Variants in CADPS2 observed in about 807,000 individuals in gnomAD.
CADPS2 encodes calcium-dependent secretion activator 2.
CADPS2 carries 93 observed loss-of-function variants against 172.5 expected under a neutral mutation model. That is an observed-to-expected ratio of 0.54 (90% CI 0.46 to 0.64). The LOEUF is 0.64. CADPS2 is among the 30% of genes least tolerant of loss of function. CADPS2 has a pLI of 0.00. For synonymous variants in CADPS2, 546 were observed against 555.2 expected (o/e 0.98, Z 0.23); for missense variants, 1,420 against 1,565.9 (o/e 0.91, Z 1.57).
intron 1 of CADPS2, among the ~76,000 whole-genome samples, chr7:122,768,658 TTTC>T (rs1238968681): frequency 2.6e-5 from 4 of 152,202 alleles, no homozygotes; most frequent in African/African-American, 9.6e-5. Context: ...ATTTTTAAAA[TTTC>T]TTCTTCAATG....
intron 20 of CADPS2, among the ~76,000 whole-genome samples, chr7:122,402,924 T>C (rs77462788): frequency 0.022 from 3,411 of 152,314 alleles, 69 homozygotes; most frequent in Non-Finnish European, 0.035. Context: ...TAACTCTAAT[T>C]GGGTCAACAT....
chr7:122,456,958 T>A (rs567545269), intron 14 of CADPS2, among the ~76,000 whole-genome samples: 15 of 152,352 alleles, frequency 9.8e-5, no homozygotes, highest in African/African-American at 3.6e-4. Flanking sequence ...TTATATACAT[T>A]GAACATCCCG....
At position 122,707,864 on chromosome 7, in the gene CADPS2, A is replaced by T. The variant is rs1052792535; in HGVS notation, c.453+29091T>A. ...AATTACAGCTAATATATTACTGGTT[A>T]AAAAAACTTCATAGTTTCATGTAAC... On this transcript the variant is annotated intron_variant, in intron 2 of 29. Transcript: ENST00000449022. Among the ~76,000 whole-genome samples the T allele has an allele frequency of 1.3e-5, 2 of 151,766 alleles. 1 individual carries two copies. The highest frequency in any genetic ancestry group is 4.1e-4 in the South Asian group (2 of 4,824).
chr7:122,737,569 A>T (rs1326503873), intron 1 of CADPS2, among the ~76,000 whole-genome samples: 1 of 152,162 alleles, frequency 6.6e-6, no homozygotes, highest in Admixed American at 6.5e-5. Context: ...TAATCCTGAT[A>T]TGGAAGTGGA....
chr7:122,820,328 T>G (rs1802769349), intron 1 of CADPS2, among the ~76,000 whole-genome samples: 1 of 151,982 alleles, frequency 6.6e-6, no homozygotes, highest in African/African-American at 2.4e-5. Context: ...CAAGCCCAAA[T>G]TTCTTCCTCA....
chr7:122,342,131 G>T (rs1051066028), intron 28 of CADPS2, among the ~76,000 whole-genome samples: 89 of 151,986 alleles, frequency 5.9e-4, no homozygotes, highest in Non-Finnish European at 1.2e-3. Flanking sequence ...TGACCTTTAA[G>T]GTAATGCAGA....
intron 7 of CADPS2, among the ~76,000 whole-genome samples, chr7:122,565,555 T>C (rs2066350365): frequency 6.6e-6 from 1 of 152,172 alleles, no homozygotes; most frequent in South Asian, 2.1e-4. Context: ...TTTGTCATGC[T>C]GAATAACCAA....
At chr7:122,669,422 G>T (rs1188342168) in intron 2 of CADPS2, among the ~76,000 whole-genome samples, 1 of 151,214 alleles carries the variant, frequency 6.6e-6, no homozygotes, top group Non-Finnish European at 1.5e-5. Flanking sequence ...TAAACAGGAG[G>T]ATTATACAGG....
At position 122,705,524 on chromosome 7, in the gene CADPS2, G is replaced by T. The variant is rs1365967663; in HGVS notation, c.453+31431C>A. Among the ~76,000 whole-genome samples, 14 of 104,332 alleles carry T rather than the reference G, an allele frequency of 1.3e-4. 3 individuals are homozygous for T. The highest frequency in any genetic ancestry group is 2.7e-4 in the African/African-American group (7 of 25,530). 68.4% of individuals were successfully genotyped at this position (104,332 alleles called of 152,430 possible). On this transcript the variant is annotated intron_variant, in intron 2 of 29. Coordinates refer to ENST00000449022, the MANE Select transcript of CADPS2 (RefSeq NM_017954.11). The stretch of plus-strand genomic sequence containing the variant: ...ATTATATATTATCTATATTTATATT[G>T]TGTATTATCTATATTATATATTATA...
chr7:122,674,361 C>A (rs2082189333), intron 2 of CADPS2, among the ~76,000 whole-genome samples: 1 of 152,202 alleles, frequency 6.6e-6, no homozygotes. Context: ...CGAGCAAGGG[C>A]TGCTAGCACT....
intron 2 of CADPS2, among the ~76,000 whole-genome samples, chr7:122,674,369 A>G (rs145992789): frequency 4.6e-5 from 7 of 152,298 alleles, no homozygotes; most frequent in Admixed American, 1.3e-4. Flanking sequence ...GGCTGCTAGC[A>G]CTTTGTCACC....
intron 1 of CADPS2, among the ~76,000 whole-genome samples, chr7:122,861,859 T>C (rs780087238): frequency 1.7e-4 from 26 of 152,228 alleles, no homozygotes; most frequent in Non-Finnish European, 3.8e-4. Context: ...CCAGACTGCA[T>C]GCTTTTCATT....
At chr7:122,461,606 T>G (rs1452383442) in intron 14 of CADPS2, among the ~76,000 whole-genome samples, 1 of 151,894 alleles carries the variant, frequency 6.6e-6, no homozygotes, top group Non-Finnish European at 1.5e-5. Context: ...TGTTTTGTTT[T>G]GTTTTTTAAG....
At position 122,393,581 on chromosome 7, in the gene CADPS2, T is replaced by A. The variant is rs1474843383; in HGVS notation, c.2748A>T (p.Thr916=). The stretch of plus-strand genomic sequence containing the variant: ...TGTGAAATTTTCCATTACACAAAAG[T>A]GCTGAAATAGCCAAGCAGAAACAGT... The part of the protein sequence containing the change: ...QLLNNFLRND[T]LLCNGKFHKH... The change falls in exon 21 of 30, where the codon ACA becomes ACT. Residue 916 remains threonine (T), a splice_region_variant and synonymous_variant. Coordinates refer to ENST00000449022, the MANE Select transcript of CADPS2 (RefSeq NM_017954.11). The A allele has an allele frequency of 6.2e-7, 1 of 1,613,626 alleles. No individual in the cohort carries two copies. Among genetic ancestry groups the A allele is most frequent in the South Asian group, 1.1e-5 (1 of 91,064 alleles).
At chr7:122,654,160 G>A (rs989402110) in intron 3 of CADPS2, among the ~76,000 whole-genome samples, 2 of 152,130 alleles carry the variant, frequency 1.3e-5, no homozygotes, top group Non-Finnish European at 2.9e-5. Flanking sequence ...AGGAGAAGTT[G>A]GTTCATGAGG....
intron 28 of CADPS2, among the ~76,000 whole-genome samples, chr7:122,343,299 C>G (rs140347053): frequency 6.6e-6 from 1 of 152,134 alleles, no homozygotes; most frequent in East Asian, 1.9e-4. Flanking sequence ...AAAACCTTCA[C>G]AACCAAAACA....
chr7:122,708,281 G>A (rs1052840428), intron 2 of CADPS2, among the ~76,000 whole-genome samples: 24 of 151,324 alleles, frequency 1.6e-4, no homozygotes, highest in African/African-American at 2.4e-4. Flanking sequence ...AATTGATAGC[G>A]TCATTATCCT....
chr7:122,395,209 C>T (rs74469470), intron 20 of CADPS2, among the ~76,000 whole-genome samples: 3,182 of 152,166 alleles, frequency 0.021, 117 homozygotes, highest in African/African-American at 0.073. Flanking sequence ...TTACTTTATG[C>T]GTTTCTGAAA....
intron 1 of CADPS2, among the ~76,000 whole-genome samples, chr7:122,774,291 CACACACACA>C (rs2093804837): frequency 6.6e-6 from 1 of 150,748 alleles, no homozygotes; most frequent in Non-Finnish European, 1.5e-5. Flanking sequence ...CACACACACA[CACACACACA>C]CACACACACA....
Sources: gnomAD v4.1 joint callset for allele counts (sites outside exome capture counted in the v4.1 genomes callset) on GRCh38, gnomAD v4.1.1 for gene constraint, MANE v1.5 for transcripts, NCBI Gene and HGNC (gene_info 2026-07-23, HGNC 2026-07-21) for gene names.